The following LDB3 variants were observed in gnomAD, a reference collection of about 807,000 sequenced individuals.
The protein encoded by LDB3 is LIM domain binding 3, also known as LIM domain-binding protein 3.
In LDB3, 49 loss-of-function variants were observed where a neutral mutation model predicts 69.0. The observed-to-expected ratio is 0.71, with a 90% CI of 0.56 to 0.90. The LOEUF (loss-of-function observed/expected upper bound fraction) is 0.90, where lower values mean the gene tolerates loss of function less well. Among genes scored for constraint, LDB3 ranks in the 40% least tolerant of loss-of-function variants. The pLI is 0.00. For missense variants in LDB3, 928 were observed against 974.1 expected (o/e 0.95, Z 0.63); for synonymous variants, 387 against 396.2 (o/e 0.98, Z 0.28).
intron 7 of LDB3, among the ~76,000 whole-genome samples, chr10:86,697,331 C>T (rs1846045817): frequency 6.7e-6 from 1 of 149,012 alleles, no homozygotes; most frequent in African/African-American, 2.5e-5. Flanking sequence ...AAGCAATTCT[C>T]CTGCCTCAGC....
chr10:86,672,477 G>A (rs935728452), intron 2 of LDB3, among the ~76,000 whole-genome samples: 18 of 152,218 alleles, frequency 1.2e-4, no homozygotes, highest in South Asian at 2.1e-4. Flanking sequence ...TAGCTGTGCC[G>A]GCAATTCCTG....
intron 12 of LDB3, among the ~76,000 whole-genome samples, chr10:86,721,104 C>T (rs2132492388): frequency 6.6e-6 from 1 of 152,360 alleles, no homozygotes; most frequent in South Asian, 2.1e-4. Context: ...GCCACCGTGC[C>T]TATTTTTGAT....
chr10:86,702,042 G>A (rs1846280682), intron 7 of LDB3, among the ~76,000 whole-genome samples: 1 of 152,190 alleles, frequency 6.6e-6, no homozygotes, highest in South Asian at 2.1e-4. Context: ...AAGTGATGCA[G>A]CTCAGGGTTC....
chr10:86,688,957 A>G (rs1243550113), intron 5 of LDB3, among the ~76,000 whole-genome samples: 1 of 151,492 alleles, frequency 6.6e-6, no homozygotes, highest in Non-Finnish European at 1.5e-5. Context: ...TCCCCTCCCT[A>G]TTCCTCCCCT....
At chr10:86,675,118 C>A (rs746996778) in intron 2 of LDB3, among the ~76,000 whole-genome samples, 16 of 152,204 alleles carry the variant, frequency 1.1e-4, no homozygotes, top group Non-Finnish European at 1.8e-4. Context: ...TCAGCCACTT[C>A]CCTCTGGTCA....
At chr10:86,677,343 G>C (rs1844850840) in intron 2 of LDB3, among the ~76,000 whole-genome samples, 1 of 152,196 alleles carries the variant, frequency 6.6e-6, no homozygotes, top group Admixed American at 6.5e-5. Context: ...GGTATCTTTA[G>C]GGGTGGGGCT....
chr10:86,681,486 T>C lies in LDB3; in HGVS notation c.372T>C (p.Pro124=), dbSNP rs1307812976. 1.2e-6 allele frequency: 2 copies of C among 1,609,078 alleles called. No homozygotes were observed. The highest frequency in any genetic ancestry group is 1.7e-6 in the Non-Finnish European group (2 of 1,179,756). Residue 124 remains proline, a synonymous_variant, in exon 5 of 14, where the codon CCT becomes CCC. Transcript: ENST00000361373. The part of the protein sequence containing the change: ...NGSLVAPSPS[P]EARASPGTPG... ...GCCTGGTGGCACCCAGCCCCAGCCC[T>C]GAGGCGAGGGCCAGCCCAGGCACCC... is the stretch of plus-strand genomic sequence containing the variant.
At chr10:86,694,750 C>G (rs970664663) in intron 7 of LDB3, among the ~76,000 whole-genome samples, 1 of 152,182 alleles carries the variant, frequency 6.6e-6, no homozygotes, top group Non-Finnish European at 1.5e-5. Flanking sequence ...TGTGTGTGAT[C>G]ACTGGTCATG....
intron 5 of LDB3, 65 bp from the exon 6 acceptor site, chr10:86,691,831 G>C (rs1269624329): frequency 6.3e-7 from 1 of 1,579,494 alleles, no homozygotes; most frequent in Non-Finnish European, 8.7e-7. Context: ...ATGGAGCAGG[G>C]ACCCAGCAGG....
At position 86,716,461 on chromosome 10, in the gene LDB3, T is replaced by A; in HGVS notation, c.1366T>A (p.Ser456Thr). 1 of 1,329,452 alleles carries A rather than the reference T, an allele frequency of 7.5e-7. No homozygotes were observed. The highest frequency in any genetic ancestry group is 9.9e-7 in the Non-Finnish European group (1 of 1,007,330). The allele number at this position is 1,329,452 out of a possible 1,614,324, so 82.4% of individuals were successfully genotyped here. Residue 456 changes from serine (S) to threonine (T), a missense_variant, in exon 10 of 14, where the codon TCC becomes ACC. Transcript: ENST00000361373. ...TPSPVPTYTP[S>T]PAPAYTPSPA... ...CTCACCTGTCCCCACCTACACTCCA[T>A]CCCCAGCACCAGCCTATACCCCCTC...
At chr10:86,727,094 C>T (rs1847280437) in intron 13 of LDB3, among the ~76,000 whole-genome samples, 1 of 149,208 alleles carries the variant, frequency 6.7e-6, no homozygotes, top group African/African-American at 2.5e-5. Flanking sequence ...GATCTCGGTT[C>T]ATTGCAACCT....
At chr10:86,731,121 C>G (rs1847440676) in intron 13 of LDB3, among the ~76,000 whole-genome samples, 1 of 148,864 alleles carries the variant, frequency 6.7e-6, no homozygotes. Flanking sequence ...CGCCACTGCA[C>G]TCCAGCCTGG....
intron 12 of LDB3, among the ~76,000 whole-genome samples, chr10:86,719,275 T>G (rs189482833): frequency 3.4e-4 from 51 of 152,026 alleles, no homozygotes; most frequent in African/African-American, 1.1e-3. Flanking sequence ...GCCTGTAGTC[T>G]CAGCTACGCA....
Position 86,716,607 on chromosome 10 carries a change from G to A in LDB3, c.1512G>A (p.Lys504=). ...TCTCCCAGAAGTTTGCCCCGGGCAA[G>A]AGCACCACCTCCATCAGCAAGCAGA... ...DSFSQKFAPG[K]STTSISKQTL... The change falls in exon 10 of 14, where the codon AAG becomes AAA. Residue 504 remains lysine (K), a synonymous_variant. Transcript: ENST00000361373. The A allele has an allele frequency of 6.2e-7, 1 of 1,613,840 alleles. No homozygotes were observed. Among genetic ancestry groups the A allele is most frequent in the Non-Finnish European group, 8.5e-7 (1 of 1,179,954 alleles).
chr10:86,675,522 G>A (rs775544388), intron 2 of LDB3, among the ~76,000 whole-genome samples: 25 of 152,244 alleles, frequency 1.6e-4, no homozygotes, highest in Admixed American at 2.6e-4. Context: ...GCAGGGGGAC[G>A]ACCCCTTCTC....
chr10:86,720,957 C>T (rs117708061), intron 12 of LDB3, among the ~76,000 whole-genome samples: 2 of 152,074 alleles, frequency 1.3e-5, no homozygotes, highest in Non-Finnish European at 2.9e-5. Context: ...TTTAGACATC[C>T]GCTACCATGC....
upstream of LDB3, among the ~76,000 whole-genome samples, chr10:86,668,104 C>T (rs1291507406): frequency 1.3e-5 from 2 of 152,162 alleles, no homozygotes; most frequent in Non-Finnish European, 2.9e-5. Context: ...CAGCTGGAGG[C>T]TCAGCTCAAG....
At chr10:86,691,768 C>T (rs904142898) in intron 5 of LDB3, 128 bp from the exon 6 acceptor site, 4 of 1,064,990 alleles carry the variant, frequency 3.8e-6, no homozygotes, top group African/African-American at 3.1e-5. Context: ...GGTTCTCAGA[C>T]AGCAATGGAT....
intron 3 of LDB3, 128 bp downstream of exon 3, chr10:86,679,646 T>C: frequency 9.2e-7 from 1 of 1,084,744 alleles, no homozygotes; most frequent in South Asian, 1.3e-5. Context: ...TGCAGGAAGA[T>C]AAGGACAGCC....
Sources: gnomAD v4.1 joint callset for allele counts (sites outside exome capture counted in the v4.1 genomes callset) on GRCh38, gnomAD v4.1.1 for gene constraint, MANE v1.5 for transcripts, NCBI Gene and HGNC (gene_info 2026-07-23, HGNC 2026-07-21) for gene names.